CEP295: variants seen among roughly 807,000 people sequenced by gnomAD.
The protein encoded by CEP295 is centrosomal protein 295, also known as centrosomal protein of 295 kDa.
In CEP295, 190 loss-of-function variants were observed where a neutral mutation model predicts 291.6. The observed-to-expected ratio is 0.65, with a 90% CI of 0.58 to 0.73. The LOEUF is 0.73. Ranked by LOEUF, CEP295 falls within the 30% of genes least tolerant of loss-of-function variation. CEP295 has a pLI of 0.00. For missense variants in CEP295, 2,863 were observed against 2,949.4 expected (o/e 0.97, Z 0.68); for synonymous variants, 993 against 1,038.8 (o/e 0.96, Z 0.85).
In CEP295 at chr11:93,669,627, TATA is replaced by T. The variant is rs765105978; in HGVS notation, c.435-46_435-44del. 13 of 1,217,258 alleles carry T rather than the reference TATA, an allele frequency of 1.1e-5. No homozygotes were observed. The South Asian group carries it at 1.7e-4, about 16-fold the overall frequency. 75.4% of individuals were successfully genotyped at this position (1,217,258 alleles called of 1,614,324 possible). The stretch of plus-strand genomic sequence containing the variant: ...TTACATATTTTTAACCCTGTTGTAC[TATA>T]ATATTATCACTGAGAGATTAATTGA... On this transcript the variant is annotated intron_variant, in intron 4 of 29. Transcript: ENST00000325212.
chr11:93,700,919 G>C (rs193252877), intron 15 of CEP295, among the ~76,000 whole-genome samples: 27 of 152,264 alleles, frequency 1.8e-4, no homozygotes, highest in African/African-American at 6.0e-4. Context: ...ATGGTTTGTT[G>C]TAAAACGGGC....
chr11:93,707,739 A>T (rs1406727989), intron 18 of CEP295, among the ~76,000 whole-genome samples: 1 of 151,470 alleles, frequency 6.6e-6, no homozygotes, highest in Non-Finnish European at 1.5e-5. Flanking sequence ...ACAGAGCGAG[A>T]CTCCGAGACT....
chr11:93,689,627 C>T (rs1951417362), intron 10 of CEP295, among the ~76,000 whole-genome samples: 2 of 152,142 alleles, frequency 1.3e-5, no homozygotes, highest in Non-Finnish European at 2.9e-5. Flanking sequence ...ACCTCCACAC[C>T]TTTTACTTCC....
intron 21 of CEP295, 36 bp downstream of exon 21, chr11:93,723,325 TAA>T (rs905875565): frequency 4.3e-6 from 6 of 1,383,770 alleles, no homozygotes; most frequent in Non-Finnish European, 5.8e-6. Flanking sequence ...TTATGTAAAT[TAA>T]GTTTTAAATT....
chr11:93,708,358 A>G (rs1267426707), intron 18 of CEP295, among the ~76,000 whole-genome samples: 1 of 151,998 alleles, frequency 6.6e-6, no homozygotes, highest in Non-Finnish European at 1.5e-5. Flanking sequence ...CCGTGAGTTC[A>G]GTTGTCTTAA....
chr11:93,696,892 C>G lies in CEP295; in HGVS notation c.1980C>G (p.Pro660=). ...AGTTGAGTCCTAACAAATACCAACC[C>G]ATACAACCTATACAGACCTCCAAAT... ...RLKLSPNKYQ[P]IQPIQTSKLE... The change falls in exon 15 of 30, where the codon CCC becomes CCG. Residue 660 remains proline (P), a synonymous_variant. Transcript: ENST00000325212. 6.4e-7 allele frequency: 1 copy of G among 1,551,926 alleles called. No individual in the cohort carries two copies.
intron 15 of CEP295, among the ~76,000 whole-genome samples, chr11:93,701,226 A>T (rs916673823): frequency 1.5e-4 from 23 of 152,188 alleles, no homozygotes; most frequent in Admixed American, 1.5e-3. Flanking sequence ...TTAGCCAGGC[A>T]TGGTAGCATG....
chr11:93,667,760 G>A lies in CEP295; in HGVS notation c.262G>A (p.Ala88Thr). ...ACAGAACTTGGAAAAACTGTATTTG[G>A]CAAGTTTAAGAAGTATGGGAGAGGG... is the stretch of plus-strand genomic sequence containing the variant. ...KIQNLEKLYL[A>T]SLRSMGEGHR... Residue 88 changes from alanine to threonine, a missense_variant, in exon 3 of 30, where the codon GCA becomes ACA. This residue lies in a region of CEP295 where 554 missense variants were observed against 576.0 expected (regional missense o/e 0.96). Coordinates refer to ENST00000325212, the MANE Select transcript of CEP295 (RefSeq NM_033395.2). 6.4e-7 allele frequency: 1 copy of A among 1,551,396 alleles called. No individual in the cohort carries two copies. The highest frequency in any genetic ancestry group is 8.7e-7 in the Non-Finnish European group (1 of 1,146,830).
chr11:93,702,108 A>G lies in CEP295; in HGVS notation c.5275-352A>G, dbSNP rs117957164. Among the ~76,000 whole-genome samples the G allele has an allele frequency of 1.9e-3, 286 of 152,118 alleles. 11 individuals carry two copies. The East Asian group carries it at 0.053, about 28-fold the overall frequency. On this transcript the variant is annotated intron_variant, in intron 15 of 29. Coordinates refer to ENST00000325212, the MANE Select transcript of CEP295 (RefSeq NM_033395.2). ...TAAGTAGCCAGGATTACAGGCATGCACAATCACGCCCAGCCAATTTTTGTA... is the reference window on the plus strand; with the variant it reads ...TAAGTAGCCAGGATTACAGGCATGCGCAATCACGCCCAGCCAATTTTTGTA...
At chr11:93,679,722 C>T (rs916937783) in intron 7 of CEP295, among the ~76,000 whole-genome samples, 170 bp downstream of exon 7, 17 of 152,162 alleles carry the variant, frequency 1.1e-4, no homozygotes, top group African/African-American at 3.6e-4. Flanking sequence ...ATTTCAAGTT[C>T]TGATTGGGTT....
At chr11:93,719,441 A>T (rs1953533239) in intron 18 of CEP295, among the ~76,000 whole-genome samples, 3 of 151,752 alleles carry the variant, frequency 2.0e-5, no homozygotes, top group Admixed American at 1.3e-4. Flanking sequence ...CTAATTTTTT[A>T]TTTTTTTGTA....
At position 93,725,772 on chromosome 11, in the gene CEP295, C is replaced by G. The variant is rs1042372076; in HGVS notation, c.6440C>G (p.Pro2147Arg). 13 of 1,551,700 alleles carry G rather than the reference C, an allele frequency of 8.4e-6. No individual in the cohort carries two copies. The South Asian group carries it at 1.2e-4, about 14-fold the overall frequency. The change falls in exon 23 of 30, where the codon CCT (proline) becomes CGT (arginine). Residue 2147 changes from proline to arginine, a missense_variant. Physicochemically the swap from Pro to Arg is moderately radical, Grantham distance 103. This residue lies in a region of CEP295 where 2,295 missense variants were observed against 2,335.7 expected (regional missense o/e 0.98). Coordinates refer to ENST00000325212, the MANE Select transcript of CEP295 (RefSeq NM_033395.2). ...CTTAACACAAGTCCGAATCAACAAC[C>G]TGACACTAACTTGGCTCATGTTGGA... ...SSLNTSPNQQ[P>R]DTNLAHVGAH... is the part of the protein sequence containing the mutation.
intron 4 of CEP295, 78 bp downstream of exon 4, chr11:93,669,010 A>T: frequency 2.8e-6 from 2 of 704,636 alleles, no homozygotes; most frequent in Non-Finnish European, 4.6e-6. Context: ...ATACTGTGTA[A>T]GCAAATATTA....
At chr11:93,696,491 A>G in intron 14 of CEP295, 74 bp downstream of exon 14, 1 of 1,124,924 alleles carries the variant, frequency 8.9e-7, no homozygotes, top group African/African-American at 1.6e-5. Context: ...CATTTATATG[A>G]GGATCTAATT....
intron 1 of CEP295, among the ~76,000 whole-genome samples, chr11:93,663,660 T>C (rs562955568): frequency 4.5e-4 from 68 of 152,326 alleles, no homozygotes; most frequent in African/African-American, 1.6e-3. Context: ...ATGGGAATTC[T>C]AAGCCTGAAA....
At position 93,729,441 on chromosome 11, in the gene CEP295, A is replaced by T. The variant is rs7131178; in HGVS notation, c.7310A>T (p.Glu2437Val). 0.79 allele frequency: 1,224,474 copies of T among 1,548,172 alleles called. 493,910 individuals are homozygous for T. The highest frequency in any genetic ancestry group is 0.84 in the South Asian group (70,352 of 83,990). ...NEAKCFFQVSEFLPLVSATEA... is the reference protein window; with the variant it reads ...NEAKCFFQVSVFLPLVSATEA... ...CAACTTTCTTGCCATTAGGTGAGTGAGTTTCTGCCTCTTGTATCAGCAACA... is the reference window on the plus strand; with the variant it reads ...CAACTTTCTTGCCATTAGGTGAGTGTGTTTCTGCCTCTTGTATCAGCAACA... Residue 2437 changes from glutamate to valine, a missense_variant, in exon 26 of 30, where the codon GAG becomes GTG. Glu to Val is a moderately radical substitution (Grantham distance 121). This residue lies in a region of CEP295 where 2,295 missense variants were observed against 2,335.7 expected (regional missense o/e 0.98). Transcript: ENST00000325212.
chr11:93,705,476 G>C (rs1490473428), intron 17 of CEP295, among the ~76,000 whole-genome samples: 1 of 151,948 alleles, frequency 6.6e-6, no homozygotes, highest in Non-Finnish European at 1.5e-5. Flanking sequence ...TTTGGGTTTT[G>C]TTTTGTGGGC....
intron 7 of CEP295, among the ~76,000 whole-genome samples, chr11:93,681,693 C>G (rs1048174940): frequency 6.6e-6 from 1 of 151,686 alleles, no homozygotes; most frequent in African/African-American, 2.4e-5. Context: ...GGATTACAGG[C>G]GTGAGCCACC....
rs936793759 is a variant in CEP295 at position 93,698,948 on chromosome 11, C to T, written c.4036C>T (p.Pro1346Ser). 1.2e-5 allele frequency: 18 copies of T among 1,551,264 alleles called. No homozygotes were observed. The African/African-American group carries it at 2.2e-4, about 19-fold the overall frequency. The change falls in exon 15 of 30, where the codon CCT becomes TCT. Residue 1346 changes from proline to serine, a missense_variant. By Grantham distance (74) the Pro-to-Ser change is moderately conservative. Around this residue, in one of 3 missense-constraint regions of CEP295, gnomAD observed 2,295 missense variants for 2,335.7 expected, o/e 0.98. Transcript: ENST00000325212. ...RLLRISQLIQ[P>S]QQDNLKALQE... ...TTTGAGGATATCGCAACTTATCCAG[C>T]CTCAACAAGATAATTTGAAGGCACT... is the stretch of plus-strand genomic sequence containing the variant.
Sources: allele counts gnomAD v4.1 joint callset (sites outside exome capture counted in the v4.1 genomes callset), GRCh38; gene constraint gnomAD v4.1.1; regional missense constraint gnomAD v4.1.1; transcripts MANE v1.5; gene names NCBI Gene and HGNC (gene_info 2026-07-23, HGNC 2026-07-21).